ACOX3: variants seen among roughly 807,000 people sequenced by gnomAD.
The protein encoded by ACOX3 is acyl-CoA oxidase 3, pristanoyl.
ACOX3 carries 73 observed loss-of-function variants against 81.5 expected under a neutral mutation model. The ratio of observed to expected loss-of-function variants is 0.90; its 90% CI spans 0.74 to 1.09. ACOX3 has a LOEUF of 1.09. Among genes scored for constraint, ACOX3 ranks in the 50% least tolerant of loss-of-function variants. The pLI is 0.00. For missense variants in ACOX3, 947 were observed against 928.0 expected, an observed-to-expected ratio of 1.02 and a Z score of -0.27; for synonymous variants, 387 against 375.1, an observed-to-expected ratio of 1.03 and a Z score of -0.37.
chr4:8,436,177 C>A, intron 1 of ACOX3: 1 of 152,204 alleles, frequency 6.6e-6, no homozygotes, highest in South Asian at 2.1e-4. Flanking sequence ...AGCTAGAGCC[C>A]TGTCGAGCAT....
Position 8,381,336 on chromosome 4 carries a change from T to C in ACOX3, c.1653+156A>G, listed in dbSNP as rs746173092. Among the ~76,000 whole-genome samples, 3 of 152,172 alleles carry C rather than the reference T, an allele frequency of 2.0e-5. No homozygotes were observed. The highest frequency in any genetic ancestry group is 4.4e-5 in the Non-Finnish European group (3 of 68,038). On this transcript the variant is annotated intron_variant, in intron 14 of 17. Transcript: ENST00000356406. The surrounding 1 kb of genome is among the most constrained non-coding windows in gnomAD (Gnocchi z 4.3). ...TGCCATCCCTGTGTTACAGAGGAGC[T>C]GAGCAAGCAGCAAAGTCATCAAGTC...
At position 8,384,830 on chromosome 4, in the gene ACOX3, A is replaced by G. The variant is rs559968180; in HGVS notation, c.1538-3223T>C. 3.7e-4 allele frequency among the ~76,000 whole-genome samples: 56 copies of G among 152,286 alleles called. No homozygotes were observed. The highest frequency in any genetic ancestry group is 1.3e-3 in the African/African-American group (56 of 41,572). ...GGCCCCAACTCCTCAGCCAGATCAC[A>G]GGCCCGGGTCTGACCATGCCCGCCG... is the stretch of plus-strand genomic sequence containing the variant. On this transcript the variant is annotated intron_variant, in intron 13 of 17. Coordinates refer to ENST00000356406, the MANE Select transcript of ACOX3 (RefSeq NM_003501.3). This position sits in a 1 kb window ranked among gnomAD's most constrained non-coding sequence, Gnocchi z 5.3.
chr4:8,414,747 G>T lies in ACOX3; in HGVS notation c.453+107C>A. 2.7e-6 allele frequency: 3 copies of T among 1,101,162 alleles called. No homozygotes were observed. The highest frequency in any genetic ancestry group is 4.1e-6 in the Non-Finnish European group (3 of 726,558). The allele number at this position is 1,101,162 out of a possible 1,614,324, so 68.2% of individuals were successfully genotyped here. On this transcript the variant is annotated intron_variant, in intron 4 of 17. Coordinates refer to ENST00000356406, the MANE Select transcript of ACOX3 (RefSeq NM_003501.3). This position sits in a 1 kb window ranked among gnomAD's most constrained non-coding sequence, Gnocchi z 6.1. ...CTGAGAACACTAGGAAACAAGAAGAGCATAAGCCCCCTGGGCACCCCCTTC... is the reference window on the plus strand; with the variant it reads ...CTGAGAACACTAGGAAACAAGAAGATCATAAGCCCCCTGGGCACCCCCTTC...
At chr4:8,367,806 C>CAAAAAAAAAAA (rs535574857) in intron 17 of ACOX3, among the ~76,000 whole-genome samples, 6 of 46,710 alleles carry the variant, frequency 1.3e-4, no homozygotes, top group Admixed American at 3.8e-4. Flanking sequence ...CCCATCTTTA[C>CAAAAAAAAAAA]AAAAAAAAAA....
intron 16 of ACOX3, among the ~76,000 whole-genome samples, chr4:8,372,493 C>T (rs1384717209): frequency 1.3e-5 from 2 of 152,180 alleles, no homozygotes; most frequent in African/African-American, 4.8e-5. Context: ...CTGAAGGCCT[C>T]CATGGGGTCA....
Position 8,370,873 on chromosome 4 carries a change from T to C in ACOX3, c.1983+35A>G, listed in dbSNP as rs771446510. 1.3e-6 allele frequency: 2 copies of C among 1,593,140 alleles called. No individual in the cohort carries two copies. The highest frequency in any genetic ancestry group is 1.1e-5 in the South Asian group (1 of 90,620). On this transcript the variant is annotated intron_variant, in intron 17 of 17. Transcript: ENST00000356406. The surrounding 1 kb of genome is among the most constrained non-coding windows in gnomAD (Gnocchi z 6.3). ...CTCCGCAGAAATGCCCATCAACCCT[T>C]GGGGCACTCCCGTGAGGCCCTGTCC...
rs1244044170 is a variant in ACOX3 at position 8,389,297 on chromosome 4, C to T, written c.1424-11G>A. On this transcript the variant is annotated splice_polypyrimidine_tract_variant and intron_variant, in intron 12 of 17. Coordinates refer to ENST00000356406, the MANE Select transcript of ACOX3 (RefSeq NM_003501.3). This position sits in a 1 kb window ranked among gnomAD's most constrained non-coding sequence, Gnocchi z 5.3. ...GGAAGCAAGCTCCATCTAGGACACA[C>T]ATTCCAGTGACTTTGGTGGAAGACA... 1.2e-6 allele frequency: 2 copies of T among 1,608,158 alleles called. No individual in the cohort carries two copies. The highest frequency in any genetic ancestry group is 1.7e-6 in the Non-Finnish European group (2 of 1,176,446).
In ACOX3 at chr4:8,426,530, G is replaced by C. The variant is rs140962401; in HGVS notation, c.-14-9995C>G. Among the ~76,000 whole-genome samples, 6 of 126,546 alleles carry C rather than the reference G, an allele frequency of 4.7e-5. No individual in the cohort carries two copies. In the East Asian group the frequency reaches 1.2e-3, roughly 24 times the overall value. 83.0% of individuals were successfully genotyped at this position (126,546 alleles called of 152,430 possible). On this transcript the variant is annotated intron_variant, in intron 1 of 17. Coordinates refer to ENST00000356406, the MANE Select transcript of ACOX3 (RefSeq NM_003501.3). ...CCCCCGTCATATTTTTCTCTTTACT[G>C]TTGTCTTACCCCCCTTTCACTATCA...
rs551519928 is a variant in ACOX3, at chr4:8,407,870, C to G, written c.688-1827G>C. Among the ~76,000 whole-genome samples, 8 of 152,340 alleles carry G rather than the reference C, an allele frequency of 5.3e-5. No homozygotes were observed. In the East Asian group the frequency reaches 1.4e-3, roughly 26 times the overall value. ...CAACCATGAGACGTGCCACCTTCCC[C>G]TTCCCCACCAGGGGACACGGGTGGT... On this transcript the variant is annotated intron_variant, in intron 6 of 17. Transcript: ENST00000356406. The surrounding 1 kb of genome is among the most constrained non-coding windows in gnomAD (Gnocchi z 4.6).
At chr4:8,377,499 T>C (rs1717122912) in intron 14 of ACOX3, among the ~76,000 whole-genome samples, 1 of 152,170 alleles carries the variant, frequency 6.6e-6, no homozygotes. Context: ...GCGTCATGGC[T>C]CCAAGCCTCA....
rs1032963184 is a variant in ACOX3, at chr4:8,381,959, G to A, written c.1538-352C>T. ...CGCACGCACCAGGCTCGGTCTGTGTGAAGCGTGGTGCTGCCTCCACAGCAT... is the reference window on the plus strand; with the variant it reads ...CGCACGCACCAGGCTCGGTCTGTGTAAAGCGTGGTGCTGCCTCCACAGCAT... On this transcript the variant is annotated intron_variant, in intron 13 of 17. Transcript: ENST00000356406. The surrounding 1 kb of genome is among the most constrained non-coding windows in gnomAD (Gnocchi z 4.3). Among the ~76,000 whole-genome samples, 2 of 152,276 alleles carry A rather than the reference G, an allele frequency of 1.3e-5. No homozygotes were observed. Among genetic ancestry groups the A allele is most frequent in the South Asian group, 4.1e-4 (2 of 4,838 alleles).
In ACOX3 at chr4:8,423,174, G is replaced by A. The variant is rs1477160885; in HGVS notation, c.-14-6639C>T. On this transcript the variant is annotated intron_variant, in intron 1 of 17. Transcript: ENST00000356406. The surrounding 1 kb of genome is among the most constrained non-coding windows in gnomAD (Gnocchi z 4.2). ...GGGGTCCTAGGATAGGCAGTCACTA[G>A]ATACTTCTCCCAGCCACTAAGTTGT... is the stretch of plus-strand genomic sequence containing the variant. 6.6e-6 allele frequency among the ~76,000 whole-genome samples: 1 copy of A among 152,162 alleles called. No homozygotes were observed. The highest frequency in any genetic ancestry group is 2.4e-5 in the African/African-American group (1 of 41,412).
chr4:8,415,661 A>G, intron 3 of ACOX3, 105 bp downstream of exon 3: 1 of 953,780 alleles, frequency 1.0e-6, no homozygotes, highest in Non-Finnish European at 1.6e-6. Flanking sequence ...ATATAGCTGG[A>G]CAAACTGGTG....
intron 1 of ACOX3, among the ~76,000 whole-genome samples, chr4:8,425,592 T>C (rs574989082): frequency 6.7e-6 from 1 of 149,936 alleles, no homozygotes; most frequent in South Asian, 2.2e-4. Flanking sequence ...CCCTGCCTTA[T>C]CGCCAAGCTC....
Position 8,368,051 on chromosome 4 carries a change from C to CCACCGCAGGATGCTGCAAGGCTGCA in ACOX3, c.1984-996_1984-972dup, listed in dbSNP as rs1261746639. ...ACACGCTGTTTCTTAGTAACTGCAG[C>CCACCGCAGGATGCTGCAAGGCTGCA]CACCGCAGGATGCTGCAAGGCTGCA... is the stretch of plus-strand genomic sequence containing the variant. On this transcript the variant is annotated intron_variant, in intron 17 of 17. Transcript: ENST00000356406. This position sits in a 1 kb window ranked among gnomAD's most constrained non-coding sequence, Gnocchi z 5.9. Among the ~76,000 whole-genome samples, 1 of 152,098 alleles carries CCACCGCAGGATGCTGCAAGGCTGCA rather than the reference C, an allele frequency of 6.6e-6. No individual in the cohort carries two copies. The highest frequency in any genetic ancestry group is 1.9e-4 in the East Asian group (1 of 5,178).
chr4:8,440,137 T>G (rs1382939682), intron 1 of ACOX3, among the ~76,000 whole-genome samples: 7 of 151,608 alleles, frequency 4.6e-5, no homozygotes, highest in Non-Finnish European at 8.8e-5. Context: ...ACGTTTCCCA[T>G]GCTTGCTCAA....
intron 3 of ACOX3, 44 bp downstream of exon 3, chr4:8,415,722 G>T (rs376240974): frequency 3.4e-5 from 53 of 1,566,782 alleles, no homozygotes; most frequent in South Asian, 6.7e-5. Flanking sequence ...AAGGCTCAGC[G>T]CAGCATGAAA....
the ACOX3 span, among the ~76,000 whole-genome samples, chr4:8,358,935 C>G: frequency 6.6e-6 from 1 of 152,100 alleles, no homozygotes; most frequent in South Asian, 2.1e-4. Context: ...TGAACTTGCA[C>G]TGAATTCTTT....
rs1052503717 is a variant in ACOX3 at position 8,384,573 on chromosome 4, T to C, written c.1538-2966A>G. Among the ~76,000 whole-genome samples, 17 of 152,110 alleles carry C rather than the reference T, an allele frequency of 1.1e-4. No homozygotes were observed. Among genetic ancestry groups the C allele is most frequent in the Admixed American group, 3.9e-4 (6 of 15,268 alleles). ...CATGTGCCTCACACCAGAAGGACTC[T>C]CGAAGGTGCCCCCAGCCGCCCTGTG... On this transcript the variant is annotated intron_variant, in intron 13 of 17. Coordinates refer to ENST00000356406, the MANE Select transcript of ACOX3 (RefSeq NM_003501.3). The surrounding 1 kb of genome is among the most constrained non-coding windows in gnomAD (Gnocchi z 5.3).
Sources: allele counts gnomAD v4.1 joint callset (sites outside exome capture counted in the v4.1 genomes callset), GRCh38; gene constraint gnomAD v4.1.1; non-coding constraint Gnocchi (gnomAD v3.1); transcripts MANE v1.5; gene names NCBI Gene and HGNC (gene_info 2026-07-23, HGNC 2026-07-21).